RUFY3: variants seen among roughly 807,000 people sequenced by gnomAD.
RUFY3 encodes RUN and FYVE domain containing 3.
RUFY3 carries 34 observed loss-of-function variants against 84.0 expected under a neutral mutation model. The observed-to-expected ratio is 0.40, with a 90% CI of 0.31 to 0.54. The LOEUF is 0.54. Among genes scored for constraint, RUFY3 ranks in the 20% least tolerant of loss-of-function variants. The probability of loss-of-function intolerance (pLI) is 0.39; values close to 1 mark genes in which losing one functional copy is unlikely to be tolerated. For synonymous variants in RUFY3, 242 were observed against 252.9 expected (o/e 0.96, Z 0.41); for missense variants, 507 against 736.8 (o/e 0.69, Z 3.61).
chr4:70,710,891 C>T (rs1429608526), intron 1 of RUFY3, among the ~76,000 whole-genome samples: 8 of 150,930 alleles, frequency 5.3e-5, no homozygotes, highest in South Asian at 2.1e-4. Flanking sequence ...GGTGAAACCC[C>T]GTCTCTACTA....
At chr4:70,794,170 T>C (rs1477049530) in intron 13 of RUFY3, among the ~76,000 whole-genome samples, 1 of 152,192 alleles carries the variant, frequency 6.6e-6, no homozygotes, top group Non-Finnish European at 1.5e-5. Context: ...TAATAATATG[T>C]AATATTTCCT....
chr4:70,759,521 T>G (rs962074685), intron 1 of RUFY3, among the ~76,000 whole-genome samples: 1 of 152,200 alleles, frequency 6.6e-6, no homozygotes, highest in Non-Finnish European at 1.5e-5. Flanking sequence ...CGATTTCCTT[T>G]CCTTTGGATA....
At chr4:70,744,384 A>G (rs544333373) in intron 1 of RUFY3, among the ~76,000 whole-genome samples, 1 of 151,188 alleles carries the variant, frequency 6.6e-6, no homozygotes, top group Non-Finnish European at 1.5e-5. Flanking sequence ...GTATGTATGT[A>G]GAGACAGGGT....
chr4:70,787,168 G>GAAAAAAAAAAAAAAAAA (rs71211959), intron 10 of RUFY3, among the ~76,000 whole-genome samples: 1 of 53,024 alleles, frequency 1.9e-5, no homozygotes, highest in African/African-American at 8.7e-5. Context: ...CCCTGTCTCA[G>GAAAAAAAAAAAAAAAAA]AAAAAAAAAA....
intron 2 of RUFY3, 133 bp from the exon 3 acceptor site, chr4:70,763,419 A>G (rs773486112): frequency 8.0e-6 from 5 of 627,558 alleles, no homozygotes; most frequent in Non-Finnish European, 1.1e-5. Context: ...TTCTAAAAGC[A>G]TGAATGAATC....
chr4:70,802,859 G>GA (rs1321078794), intron 15 of RUFY3, 97 bp from the exon 16 acceptor site: 6 of 854,010 alleles, frequency 7.0e-6, no homozygotes, highest in East Asian at 2.5e-5. Context: ...TTTCTTGTTT[G>GA]AAAAAAATGT....
At chr4:70,787,635 T>C (rs1730121745) in intron 10 of RUFY3, among the ~76,000 whole-genome samples, 1 of 152,160 alleles carries the variant, frequency 6.6e-6, no homozygotes. Context: ...GCCTTCTATG[T>C]ATTTGTGAAT....
chr4:70,710,707 T>C (rs116342633), intron 1 of RUFY3, among the ~76,000 whole-genome samples: 1 of 151,900 alleles, frequency 6.6e-6, no homozygotes, highest in Non-Finnish European at 1.5e-5. Context: ...ACAGTATACC[T>C]GGTCAGGAAT....
chr4:70,760,810 A>C (rs1473678652), intron 1 of RUFY3, among the ~76,000 whole-genome samples: 1 of 152,228 alleles, frequency 6.6e-6, no homozygotes, highest in African/African-American at 2.4e-5. Flanking sequence ...ATATATACCA[A>C]TTCTGACTCT....
chr4:70,778,508 G>A, intron 8 of RUFY3, 70 bp downstream of exon 8: 1 of 733,130 alleles, frequency 1.4e-6, no homozygotes, highest in Non-Finnish European at 2.3e-6. Flanking sequence ...TAATTTTAAT[G>A]TAACCTTGGA....
chr4:70,726,712 G>A (rs189177572), intron 1 of RUFY3, among the ~76,000 whole-genome samples: 17 of 152,318 alleles, frequency 1.1e-4, no homozygotes, highest in Non-Finnish European at 2.4e-4. Context: ...CCCCACAGAA[G>A]CATTAATCAG....
chr4:70,780,712 T>C (rs889199953), intron 8 of RUFY3, among the ~76,000 whole-genome samples: 2 of 152,228 alleles, frequency 1.3e-5, no homozygotes, highest in African/African-American at 4.8e-5. Context: ...ATGAAATGAT[T>C]TAATACATGA....
In RUFY3 at chr4:70,783,088, C is replaced by T. The variant is rs1361780931; in HGVS notation, c.895-3C>T. On this transcript the variant is annotated splice_polypyrimidine_tract_variant and splice_region_variant and intron_variant, in intron 8 of 17. Transcript: ENST00000381006. ...AAGATTATTTTTAAAATTTTATCCA[C>T]AGCTTGCAGTTGCAAACAACAGGAT... 4 of 1,577,720 alleles carry T rather than the reference C, an allele frequency of 2.5e-6. No homozygotes were observed. The highest frequency in any genetic ancestry group is 1.9e-4 in the Middle Eastern group (1 of 5,318).
Position 70,806,826 on chromosome 4 carries a change from G to C in RUFY3, c.*167G>C. 2 of 773,118 alleles carry C rather than the reference G, an allele frequency of 2.6e-6. No individual in the cohort carries two copies. The highest frequency in any genetic ancestry group is 3.9e-6 in the Non-Finnish European group (2 of 508,026). The allele number at this position is 773,118 out of a possible 1,614,324, so 47.9% of individuals were successfully genotyped here. On this transcript the variant is annotated 3_prime_UTR_variant, in exon 18 of 18. Transcript: ENST00000381006. ...AGTGGTTGGGGTTACTGGAAATTTT[G>C]CTCATTTTCTCTAATGACTGTATGA... is the stretch of plus-strand genomic sequence containing the variant.
intron 1 of RUFY3, among the ~76,000 whole-genome samples, chr4:70,755,462 T>C (rs1419875504): frequency 6.6e-6 from 1 of 152,218 alleles, no homozygotes; most frequent in East Asian, 1.9e-4. Flanking sequence ...TATAAGAAGA[T>C]AAAATGGCAC....
At chr4:70,736,576 CT>C (rs1249392413) in intron 1 of RUFY3, among the ~76,000 whole-genome samples, 2 of 146,516 alleles carry the variant, frequency 1.4e-5, no homozygotes, top group Non-Finnish European at 1.5e-5. Context: ...CTTTTCTTTT[CT>C]TTTTTTTTTC....
upstream of RUFY3, among the ~76,000 whole-genome samples, chr4:70,719,363 C>T (rs1742014055): frequency 6.6e-6 from 1 of 152,182 alleles, no homozygotes; most frequent in East Asian, 1.9e-4. Context: ...TGCTCACTAA[C>T]CTTGATGTTC....
In RUFY3 at chr4:70,744,497, G is replaced by A. The variant is rs114609924; in HGVS notation, c.179-18022G>A. 5.0e-3 allele frequency among the ~76,000 whole-genome samples: 763 copies of A among 151,978 alleles called. 4 individuals carry two copies. The highest frequency in any genetic ancestry group is 0.01 in the Middle Eastern group (3 of 294). On this transcript the variant is annotated intron_variant, in intron 1 of 17. Transcript: ENST00000381006. ...ATTGCAGGCTTGAGCCACCGAACCC[G>A]GCTATAGTTTGCTTTTTAATAGATA...
At chr4:70,749,019 C>G (rs1722674990) in intron 1 of RUFY3, among the ~76,000 whole-genome samples, 1 of 152,168 alleles carries the variant, frequency 6.6e-6, no homozygotes. Flanking sequence ...CCTTCTAGAT[C>G]ATAGATCTAA....
Sources: allele counts gnomAD v4.1 joint callset (sites outside exome capture counted in the v4.1 genomes callset), GRCh38; gene constraint gnomAD v4.1.1; transcripts MANE v1.5; gene names NCBI Gene and HGNC (gene_info 2026-07-23, HGNC 2026-07-21).